Variants in SART3 observed in about 807,000 individuals in gnomAD.
SART3 encodes spliceosome associated factor 3, U4/U6 recycling protein, also known as HIV-1 Tat-interacting protein of 110kDa.
Under a neutral mutation model 122.3 loss-of-function variants are expected in SART3, and 44 were observed. The ratio of observed to expected loss-of-function variants is 0.36; its 90% CI spans 0.28 to 0.46. SART3 has a LOEUF of 0.46. SART3 is among the 20% of genes least tolerant of loss of function. The pLI is 1.00. For synonymous variants in SART3, 442 were observed against 454.0 expected (o/e 0.97, Z 0.34); for missense variants, 1,101 against 1,229.0 (o/e 0.90, Z 1.56).
intron 1 of SART3, among the ~76,000 whole-genome samples, chr12:108,554,716 C>T (rs1045550766): frequency 6.7e-6 from 1 of 148,968 alleles, no homozygotes; most frequent in African/African-American, 2.4e-5. Context: ...CATTAAAATT[C>T]CTTTTAAAAA....
intron 17 of SART3, chr12:108,525,014 TTA>T: frequency 3.4e-6 from 1 of 297,550 alleles, no homozygotes; most frequent in South Asian, 3.3e-5. Flanking sequence ...ACAAAAGGAC[TTA>T]GCAGGAGACT....
intron 16 of SART3, chr12:108,525,831 C>T: frequency 1.6e-6 from 1 of 629,206 alleles, no homozygotes; most frequent in East Asian, 2.7e-5. Flanking sequence ...AGTAACCATT[C>T]ACAGAGTCTC....
At chr12:108,526,061 C>T (rs760253420) in intron 16 of SART3, 38 bp downstream of exon 16, 8 of 1,543,114 alleles carry the variant, frequency 5.2e-6, no homozygotes, top group African/African-American at 4.1e-5. Context: ...TCTAAAGCAA[C>T]CACAGATGAA....
chr12:108,561,046 T>G lies in SART3; in HGVS notation c.109A>C (p.Lys37Gln). 1 of 1,614,150 alleles carries G rather than the reference T, an allele frequency of 6.2e-7. No homozygotes were observed. The highest frequency in any genetic ancestry group is 1.7e-5 in the Admixed American group (1 of 60,030). ...DEVKAARTRR[K>Q]VLSRAVAAAT... ...GCGGCCACAGCCCGCGATAACACCT[T>G]CCTCCTTGTCCTAGCCGCCTTAACC... Residue 37 changes from lysine (K) to glutamine (Q), a missense_variant, in exon 1 of 19, where the codon AAG (lysine) becomes CAG (glutamine). This residue lies in a region of SART3 where 216 missense variants were observed against 148.9 expected (regional missense o/e 1.45). Transcript: ENST00000546815.
At chr12:108,542,718 C>A in intron 6 of SART3, 2 of 421,996 alleles carry the variant, frequency 4.7e-6, no homozygotes, top group East Asian at 6.2e-5. Flanking sequence ...GCTTGTAAAA[C>A]TATAAAGAAA....
chr12:108,525,395 C>T (rs1872323426), intron 17 of SART3, 62 bp downstream of exon 17: 8 of 1,580,886 alleles, frequency 5.1e-6, no homozygotes, highest in African/African-American at 2.7e-5. Context: ...ATCTTTGAAC[C>T]GATACAGAAA....
In SART3 at chr12:108,525,533, T is replaced by C; in HGVS notation, c.2447A>G (p.Glu816Gly). ...SGLPFSCTKE[E>G]LEEICKAHGT... ...ATGAGCCTTACAGATTTCTTCTAGT[T>C]CCTCTTTAGTACAGGAGAAAGGCAG... Residue 816 changes from glutamate (E) to glycine (G), a missense_variant, in exon 17 of 19, where the codon GAA becomes GGA. Physicochemically the swap from Glu to Gly is moderately conservative, Grantham distance 98. Transcript: ENST00000546815. The C allele has an allele frequency of 6.2e-7, 1 of 1,614,196 alleles. No homozygotes were observed. Among genetic ancestry groups the C allele is most frequent in the Non-Finnish European group, 8.5e-7 (1 of 1,180,018 alleles).
intron 13 of SART3, 21 bp downstream of exon 13, chr12:108,532,201 G>A (rs1296275295): frequency 3.7e-6 from 6 of 1,604,638 alleles, no homozygotes; most frequent in African/African-American, 2.7e-5. Context: ...CTCCAAGCCA[G>A]AAGAGAGCTG....
chr12:108,538,897 T>C, intron 7 of SART3, 37 bp downstream of exon 7: 1 of 1,613,776 alleles, frequency 6.2e-7, no homozygotes, highest in South Asian at 1.1e-5. Flanking sequence ...GATTCTAAAT[T>C]GGCAAAAATA....
At chr12:108,531,640 A>T (rs1549099) in intron 13 of SART3, 67 of 283,384 alleles carry the variant, frequency 2.4e-4, no homozygotes, top group African/African-American at 1.4e-3. Context: ...GGTCTTTGCA[A>T]GCCAGTTCTG....
At chr12:108,533,503 C>G (rs1177617826) in intron 12 of SART3, among the ~76,000 whole-genome samples, 1 of 151,726 alleles carries the variant, frequency 6.6e-6, no homozygotes, top group African/African-American at 2.4e-5. Flanking sequence ...CGGTCAGTTA[C>G]TCAGACCTGG....
intron 1 of SART3, among the ~76,000 whole-genome samples, chr12:108,551,250 A>G (rs1327537824): frequency 1.3e-5 from 2 of 152,240 alleles, no homozygotes; most frequent in African/African-American, 4.8e-5. Context: ...AAAGGATTAT[A>G]TAATGACACA....
rs1872263044 is a variant in SART3 at position 108,524,261 on chromosome 12, T to A, written c.2714+55A>T. 17 of 1,444,936 alleles carry A rather than the reference T, an allele frequency of 1.2e-5. No individual in the cohort carries two copies. The South Asian group carries it at 1.9e-4, about 16-fold the overall frequency. 89.5% of individuals were successfully genotyped at this position (1,444,936 alleles called of 1,614,324 possible). On this transcript the variant is annotated intron_variant, in intron 18 of 18. Transcript: ENST00000546815. Reference sequence around the variant, plus strand: ...CCCGGGTTAATCCCCCCGTGATCCATGAACTGGTGCCAGCCAGGACGAAGT... The same window carrying A: ...CCCGGGTTAATCCCCCCGTGATCCAAGAACTGGTGCCAGCCAGGACGAAGT...
At chr12:108,541,375 T>C (rs921069955) in intron 6 of SART3, among the ~76,000 whole-genome samples, 2 of 151,620 alleles carry the variant, frequency 1.3e-5, no homozygotes, top group African/African-American at 4.8e-5. Context: ...GCCACTTCAC[T>C]CCAGCCTGGG....
At chr12:108,550,170 T>G (rs1432693485) in intron 1 of SART3, among the ~76,000 whole-genome samples, 1 of 151,960 alleles carries the variant, frequency 6.6e-6, no homozygotes, top group Admixed American at 6.6e-5. Flanking sequence ...ACCATATATC[T>G]GAGACAAAGA....
chr12:108,529,549 C>T (rs1344224657), intron 15 of SART3, among the ~76,000 whole-genome samples: 3 of 152,212 alleles, frequency 2.0e-5, no homozygotes, highest in Admixed American at 6.5e-5. Context: ...TGTGAAGGAA[C>T]TCTTGCTAGC....
chr12:108,545,001 A>G lies in SART3; in HGVS notation c.729+138T>C. ...AAAAAAGGTTATCTATCACCCCACCACTAAGGGATTGGCAAAGACCATTTT... is the reference window on the plus strand; with the variant it reads ...AAAAAAGGTTATCTATCACCCCACCGCTAAGGGATTGGCAAAGACCATTTT... On this transcript the variant is annotated intron_variant, in intron 4 of 18. Coordinates refer to ENST00000546815, the MANE Select transcript of SART3 (RefSeq NM_014706.4). 5 of 890,312 alleles carry G rather than the reference A, an allele frequency of 5.6e-6. No homozygotes were observed. In the Admixed American group the frequency reaches 6.8e-5, roughly 12 times the overall value. 55.2% of individuals were successfully genotyped at this position (890,312 alleles called of 1,614,324 possible).
chr12:108,547,781 C>G (rs1873495628), intron 3 of SART3, 106 bp downstream of exon 3: 1 of 795,312 alleles, frequency 1.3e-6, no homozygotes, highest in African/African-American at 1.7e-5. Flanking sequence ...AATTGTGAAA[C>G]TAACGTTCCC....
In SART3 at chr12:108,535,778, G is replaced by A. The variant is rs1334547938; in HGVS notation, c.1447-310C>T. On this transcript the variant is annotated intron_variant, in intron 11 of 18. Coordinates refer to ENST00000546815, the MANE Select transcript of SART3 (RefSeq NM_014706.4). ...CAAGCTTAACTACAAGTGTTTGAGAGACAATGTTAAAAAAAAAAAAAAGAC... is the reference window on the plus strand; with the variant it reads ...CAAGCTTAACTACAAGTGTTTGAGAAACAATGTTAAAAAAAAAAAAAAGAC... 3.0e-4 allele frequency among the ~76,000 whole-genome samples: 38 copies of A among 125,696 alleles called. No homozygotes were observed. The Admixed American group carries it at 3.3e-3, about 11-fold the overall frequency. 82.5% of individuals were successfully genotyped at this position (125,696 alleles called of 152,430 possible). A position where few individuals can be genotyped will look rare whatever the true frequency, so the allele number is the denominator to read the frequency against.
Sources: gnomAD v4.1 joint callset for allele counts (sites outside exome capture counted in the v4.1 genomes callset) on GRCh38, gnomAD v4.1.1 for gene constraint, gnomAD v4.1.1 regional missense constraint, MANE v1.5 for transcripts, NCBI Gene and HGNC (gene_info 2026-07-23, HGNC 2026-07-21) for gene names.